GALC: variants seen among roughly 807,000 people sequenced by gnomAD.
The protein encoded by GALC is galactosylceramidase, also known as galactocerebrosidase.
In GALC, 77 loss-of-function variants were observed where a neutral mutation model predicts 91.8. The observed-to-expected ratio is 0.84, with a 90% CI of 0.70 to 1.01. The LOEUF is 1.01. Among genes scored for constraint, GALC ranks in the 50% least tolerant of loss-of-function variants. The pLI is 0.00. For synonymous variants in GALC, 357 were observed against 306.7 expected, an observed-to-expected ratio of 1.16 and a Z score of -1.71; for missense variants, 882 against 855.9, an observed-to-expected ratio of 1.03 and a Z score of -0.38.
intron 10 of GALC, among the ~76,000 whole-genome samples, chr14:87,958,232 T>C (rs1402776549): frequency 6.6e-6 from 1 of 151,994 alleles, no homozygotes; most frequent in Non-Finnish European, 1.5e-5. Flanking sequence ...GTGCTAATAA[T>C]AGAACAAAAG....
At chr14:87,967,845 T>C (rs1361036917) in intron 8 of GALC, among the ~76,000 whole-genome samples, 1 of 152,192 alleles carries the variant, frequency 6.6e-6, no homozygotes, top group East Asian at 1.9e-4. Flanking sequence ...ATGTGTGTGC[T>C]TGACTATTCC....
At chr14:87,963,146 C>T in intron 10 of GALC, 5 of 466,712 alleles carry the variant, frequency 1.1e-5, no homozygotes, top group South Asian at 1.1e-4. Context: ...TTAATTTTAT[C>T]CCAACTGCCA....
intron 15 of GALC, among the ~76,000 whole-genome samples, chr14:87,941,079 T>C (rs550874684): frequency 1.3e-5 from 2 of 152,034 alleles, no homozygotes; most frequent in African/African-American, 4.8e-5. Context: ...CTGAGCATTC[T>C]CTCCCTACCA....
chr14:87,968,528 C>A, intron 7 of GALC, 38 bp from the exon 8 acceptor site: 2 of 1,584,856 alleles, frequency 1.3e-6, no homozygotes, highest in Non-Finnish European at 1.7e-6. Flanking sequence ...GAAAAAAGGT[C>A]ACGACGTGGC....
At chr14:87,952,079 T>C (rs1885333929) in intron 10 of GALC, among the ~76,000 whole-genome samples, 1 of 150,878 alleles carries the variant, frequency 6.6e-6, no homozygotes, top group Non-Finnish European at 1.5e-5. Context: ...TTTTAAAAAG[T>C]AAAAATAAAA....
intron 6 of GALC, among the ~76,000 whole-genome samples, chr14:87,979,723 C>T (rs1886658064): frequency 6.6e-6 from 1 of 152,140 alleles, no homozygotes; most frequent in African/African-American, 2.4e-5. Context: ...AAAACTTAAG[C>T]TTTGAAATGT....
At chr14:87,977,036 G>C (rs963908435) in intron 6 of GALC, among the ~76,000 whole-genome samples, 1 of 114,940 alleles carries the variant, frequency 8.7e-6, no homozygotes, top group African/African-American at 2.8e-5. Context: ...GAAATATGGG[G>C]GGGGGGGGAT....
intron 3 of GALC, chr14:87,987,886 A>C (rs997295796): frequency 2.3e-5 from 11 of 469,544 alleles, no homozygotes; most frequent in Non-Finnish European, 4.2e-5. Context: ...AGGTTTTAGA[A>C]AACTGTGGAT....
intron 3 of GALC, 74 bp from the exon 4 acceptor site, chr14:87,986,676 C>T (rs1886989390): frequency 1.7e-5 from 14 of 839,824 alleles, no homozygotes; most frequent in Non-Finnish European, 2.8e-5. Context: ...ACTCCCCACC[C>T]CCACCCCAGA....
chr14:87,937,673 A>C (rs1234237396), intron 16 of GALC, among the ~76,000 whole-genome samples: 1 of 151,780 alleles, frequency 6.6e-6, no homozygotes, highest in Non-Finnish European at 1.5e-5. Context: ...GGTCAAGAAG[A>C]AGGAACAGGA....
chr14:87,972,337 G>C (rs1026787427), intron 7 of GALC, among the ~76,000 whole-genome samples: 4 of 152,128 alleles, frequency 2.6e-5, no homozygotes, highest in Non-Finnish European at 5.9e-5. Context: ...TTAGTCCATG[G>C]TGTCAGAGGT....
Position 87,939,966 on chromosome 14 carries a change from T to G in GALC, c.1850A>C (p.Tyr617Ser). The G allele has an allele frequency of 9.3e-6, 15 of 1,609,786 alleles. No homozygotes were observed. The highest frequency in any genetic ancestry group is 1.3e-5 in the Non-Finnish European group (15 of 1,176,662). Residue 617 changes from tyrosine to serine, a missense_variant, in exon 16 of 17, where the codon TAT becomes TCT. Tyr to Ser is a moderately radical substitution (Grantham distance 144). Coordinates refer to ENST00000261304, the MANE Select transcript of GALC (RefSeq NM_000153.4). ...VTGDLAGWII[Y>S]ALGRVEVTAK... ...TGTAACTTCAACACGTCCTAAAGCA[T>G]ATATAATCCATCCAGCTGTAACACA...
intron 11 of GALC, 139 bp downstream of exon 11, chr14:87,950,520 G>T: frequency 1.6e-6 from 1 of 607,256 alleles, no homozygotes; most frequent in Non-Finnish European, 3.0e-6. Flanking sequence ...GAAGACAGAA[G>T]ACACCAGGGC....
At chr14:87,947,902 T>C (rs762648390) in intron 12 of GALC, 24 bp from the exon 13 acceptor site, 2 of 1,607,776 alleles carry the variant, frequency 1.2e-6, no homozygotes, top group Non-Finnish European at 8.5e-7. Context: ...CACTACTGTA[T>C]TCAGGACCAG....
chr14:87,981,223 G>A (rs1467984684), intron 6 of GALC: 3 of 152,268 alleles, frequency 2.0e-5, no homozygotes, highest in Admixed American at 6.5e-5. Context: ...ACAAAACATC[G>A]TATGTTCTCA....
intron 1 of GALC, 154 bp downstream of exon 1, chr14:87,992,816 C>T: frequency 7.1e-7 from 1 of 1,403,620 alleles, no homozygotes; most frequent in Non-Finnish European, 9.2e-7. Flanking sequence ...CCGCAGCGGG[C>T]CCGCCCCAAC....
At chr14:87,991,869 G>C (rs1887214888) in intron 1 of GALC, among the ~76,000 whole-genome samples, 1 of 152,152 alleles carries the variant, frequency 6.6e-6, no homozygotes, top group African/African-American at 2.4e-5. Flanking sequence ...AGTATCACAA[G>C]TAAAGCTATA....
Position 87,976,482 on chromosome 14 carries a change from T to A in GALC, c.628A>T (p.Arg210Ter), listed in dbSNP as rs202131052. Residue 210 changes from arginine (R) to a stop codon, truncating the protein, a stop_gained, in exon 7 of 17, where the codon AGA becomes TGA. Coordinates refer to ENST00000261304, the MANE Select transcript of GALC (RefSeq NM_000153.4). LOFTEE classifies it high-confidence loss of function. ...AGACCTTGATAATTCAGCATTTTTC[T>A]TAATATCTTTTGGAGTAAGAAACAG... Reference protein sequence around the residue: ...SYNANYIKILRKMLNYQGLQR... With the variant: ...SYNANYIKIL The A allele has an allele frequency of 5.6e-5, 91 of 1,611,996 alleles. No homozygotes were observed. Among genetic ancestry groups the A allele is most frequent in the Non-Finnish European group, 7.4e-5 (87 of 1,178,214 alleles).
At chr14:87,972,530 T>C (rs1282326813) in intron 7 of GALC, among the ~76,000 whole-genome samples, 1 of 152,196 alleles carries the variant, frequency 6.6e-6, no homozygotes, top group Non-Finnish European at 1.5e-5. Flanking sequence ...CCGATGATTT[T>C]TGTACTTTTA....
Sources: gnomAD v4.1 joint callset for allele counts (sites outside exome capture counted in the v4.1 genomes callset) on GRCh38, gnomAD v4.1.1 for gene constraint, MANE v1.5 for transcripts, NCBI Gene and HGNC (gene_info 2026-07-23, HGNC 2026-07-21) for gene names.